CATSPERD: variants seen among roughly 807,000 people sequenced by gnomAD.
CATSPERD encodes the protein catsper channel auxiliary subunit delta.
In CATSPERD, 86 loss-of-function variants were observed where a neutral mutation model predicts 98.1. The ratio of observed to expected loss-of-function variants is 0.88; its 90% CI spans 0.74 to 1.05. The LOEUF (loss-of-function observed/expected upper bound fraction) is 1.05. Ranked by LOEUF, CATSPERD falls within the 50% of genes least tolerant of loss-of-function variation. The probability of loss-of-function intolerance (pLI) is 0.00; values close to 1 mark genes in which losing one functional copy is unlikely to be tolerated. For synonymous variants in CATSPERD, 394 were observed against 390.2 expected (o/e 1.01, Z -0.12); for missense variants, 995 against 1,005.7 (o/e 0.99, Z 0.14).
In CATSPERD at chr19:5,724,797, G is replaced by A. The variant is rs769661887; in HGVS notation, c.72-11G>A. ...TAAAAATTGACAGATGGTCTTTCTT[G>A]TCACTTCTAGTTCTCGCACAGTGAG... is the stretch of plus-strand genomic sequence containing the variant. On this transcript the variant is annotated splice_polypyrimidine_tract_variant and intron_variant, in intron 1 of 21. Coordinates refer to ENST00000381624, the MANE Select transcript of CATSPERD (RefSeq NM_152784.4). The A allele has an allele frequency of 1.2e-6, 2 of 1,613,460 alleles. No homozygotes were observed. The highest frequency in any genetic ancestry group is 3.3e-5 in the Admixed American group (2 of 59,980).
intron 3 of CATSPERD, among the ~76,000 whole-genome samples, chr19:5,727,802 A>G (rs1213604381): frequency 6.6e-6 from 1 of 152,068 alleles, no homozygotes; most frequent in Non-Finnish European, 1.5e-5. Context: ...TATGTCCACC[A>G]TGCCAGGATG....
At chr19:5,764,199 G>T (rs577941319) in intron 16 of CATSPERD, among the ~76,000 whole-genome samples, 1 of 149,974 alleles carries the variant, frequency 6.7e-6, no homozygotes, top group African/African-American at 2.4e-5. Context: ...CTCCCAAAGT[G>T]CTGGGATTAC....
chr19:5,775,648 C>CA (rs1156270373), intron 20 of CATSPERD, among the ~76,000 whole-genome samples: 14,182 of 61,150 alleles, frequency 0.23, 1,442 homozygotes, highest in East Asian at 0.59. Context: ...AACCCCATCT[C>CA]AAAAAAAAAA....
At chr19:5,769,548 C>G (rs895433930) in intron 18 of CATSPERD, among the ~76,000 whole-genome samples, 1 of 152,006 alleles carries the variant, frequency 6.6e-6, no homozygotes, top group East Asian at 1.9e-4. Context: ...CTCATTGCAC[C>G]CAGCATGAGG....
In CATSPERD at chr19:5,776,076, G is replaced by A. The variant is rs970776420; in HGVS notation, c.1942-85G>A. On this transcript the variant is annotated intron_variant, in intron 20 of 21. Transcript: ENST00000381624. The stretch of plus-strand genomic sequence containing the variant: ...GCGTGCCTAATGAGGACTGGGGTGG[G>A]TGCAGGGCCTCCGCAGGGAGGAGGG... 17 of 1,471,234 alleles carry A rather than the reference G, an allele frequency of 1.2e-5. No homozygotes were observed. The East Asian group carries it at 2.7e-4, about 24-fold the overall frequency. 91.1% of individuals were successfully genotyped at this position (1,471,234 alleles called of 1,614,324 possible).
chr19:5,771,160 C>A, intron 19 of CATSPERD, 88 bp downstream of exon 19: 1 of 1,417,662 alleles, frequency 7.1e-7, no homozygotes, highest in Non-Finnish European at 9.6e-7. Flanking sequence ...GCCCTCCAGG[C>A]TCCCCTAGAT....
At chr19:5,775,110 A>G in intron 20 of CATSPERD, 1 of 365,612 alleles carries the variant, frequency 2.7e-6, no homozygotes, top group African/African-American at 2.2e-5. Flanking sequence ...GAAAGCAGGC[A>G]TGTGGCAGAC....
chr19:5,769,162 A>AAGAG (rs34774431), intron 18 of CATSPERD, among the ~76,000 whole-genome samples: 4 of 149,468 alleles, frequency 2.7e-5, no homozygotes, highest in Admixed American at 6.7e-5. Flanking sequence ...TCAAAAAAAA[A>AAGAG]AGAGAGAGAG....
chr19:5,757,236 T>G (rs1198695420), intron 13 of CATSPERD, among the ~76,000 whole-genome samples: 1 of 151,670 alleles, frequency 6.6e-6, no homozygotes, highest in Non-Finnish European at 1.5e-5. Flanking sequence ...GGTGACAGAG[T>G]GAGACTCCAT....
Position 5,749,082 on chromosome 19 carries a change from CTTGTT to C in CATSPERD, c.905-11_905-7del, listed in dbSNP as rs1568356026. The C allele has an allele frequency of 1.2e-6, 2 of 1,606,568 alleles. No homozygotes were observed. Among genetic ancestry groups the C allele is most frequent in the South Asian group, 2.2e-5 (2 of 90,614 alleles). On this transcript the variant is annotated splice_polypyrimidine_tract_variant and intron_variant, in intron 10 of 21. Coordinates refer to ENST00000381624, the MANE Select transcript of CATSPERD (RefSeq NM_152784.4). ...ACCAGCATTTCAATTTTTGTTTTGT[CTTGTT>C]TTGTTTTTCCCAGCTGAAAATGAAC...
At chr19:5,750,635 T>G (rs892380663) in intron 11 of CATSPERD, among the ~76,000 whole-genome samples, 11 of 150,358 alleles carry the variant, frequency 7.3e-5, no homozygotes, top group Non-Finnish European at 3.0e-5. Context: ...CAGCTACTCG[T>G]GAGGCAGGAG....
chr19:5,730,094 A>T (rs1685808926), intron 4 of CATSPERD, 150 bp downstream of exon 4: 1 of 514,164 alleles, frequency 1.9e-6, no homozygotes, highest in African/African-American at 2.0e-5. Flanking sequence ...GCAATTTCTA[A>T]GCCTAAAGAA....
rs2055441917 is a variant in CATSPERD, at chr19:5,720,794, A to G, written c.57A>G (p.Thr19=). Residue 19 remains threonine, a synonymous_variant, in exon 1 of 22, where the codon ACA becomes ACG. Coordinates refer to ENST00000381624, the MANE Select transcript of CATSPERD (RefSeq NM_152784.4). ...CCATGTGGCTCCGACCGCTGGTCACAGCTCAGCTCTGTCGGTGGGGCTGCC... is the reference window on the plus strand; with the variant it reads ...CCATGTGGCTCCGACCGCTGGTCACGGCTCAGCTCTGTCGGTGGGGCTGCC... The part of the protein sequence containing the change: ...AVTMWLRPLV[T]AQLCRSRTVR... 1.2e-6 allele frequency: 2 copies of G among 1,600,534 alleles called. No individual in the cohort carries two copies. The highest frequency in any genetic ancestry group is 1.7e-6 in the Non-Finnish European group (2 of 1,178,954).
At chr19:5,771,395 CCCA>C (rs1011561209) in intron 19 of CATSPERD, among the ~76,000 whole-genome samples, 1 of 152,114 alleles carries the variant, frequency 6.6e-6, no homozygotes, top group Non-Finnish European at 1.5e-5. Flanking sequence ...ACCACAGGTG[CCCA>C]CCACCACACC....
rs535783541 is a variant in CATSPERD, at chr19:5,727,746, T to C, written c.203+402T>C. Among the ~76,000 whole-genome samples the C allele has an allele frequency of 2.0e-5, 3 of 152,232 alleles. No individual in the cohort carries two copies. The South Asian group carries it at 6.2e-4, about 32-fold the overall frequency. ...ATTCAAAGGAATAAAAACACCATGC[T>C]TAGCATGCACGTGAGTTCGTAAGGG... On this transcript the variant is annotated intron_variant, in intron 3 of 21. Coordinates refer to ENST00000381624, the MANE Select transcript of CATSPERD (RefSeq NM_152784.4).
intron 5 of CATSPERD, 125 bp from the exon 6 acceptor site, chr19:5,737,013 C>T (rs908098732): frequency 1.7e-5 from 9 of 541,436 alleles, no homozygotes; most frequent in African/African-American, 7.7e-5. Context: ...GCCAGGATCA[C>T]GCCACTGCAC....
At chr19:5,749,555 A>T (rs2056163854) in intron 11 of CATSPERD, among the ~76,000 whole-genome samples, 1 of 152,184 alleles carries the variant, frequency 6.6e-6, no homozygotes, top group African/African-American at 2.4e-5. Context: ...TCTAGTTAGT[A>T]AAACAACAAC....
chr19:5,745,224 T>G lies in CATSPERD; in HGVS notation c.658-689T>G, dbSNP rs866453030. 2.6e-5 allele frequency among the ~76,000 whole-genome samples: 4 copies of G among 152,106 alleles called. No individual in the cohort carries two copies. In the South Asian group the frequency reaches 8.3e-4, roughly 32 times the overall value. On this transcript the variant is annotated intron_variant, in intron 8 of 21. Transcript: ENST00000381624. ...CCGCGGCCTCCCCCAGTGCTGAGAT[T>G]ACAGGTGTGAGCCACTGCGCCTGGC...
chr19:5,775,453 T>C (rs1349674863), intron 20 of CATSPERD, among the ~76,000 whole-genome samples: 4 of 141,130 alleles, frequency 2.8e-5, no homozygotes, highest in South Asian at 2.2e-4. Flanking sequence ...CTGGCTTACA[T>C]GGTGAAACCC....
Sources: gnomAD v4.1 joint callset for allele counts (sites outside exome capture counted in the v4.1 genomes callset) on GRCh38, gnomAD v4.1.1 for gene constraint, MANE v1.5 for transcripts, NCBI Gene and HGNC (gene_info 2026-07-23, HGNC 2026-07-21) for gene names.